The following GPR83 variants were observed in gnomAD, a reference collection of about 807,000 sequenced individuals.
GPR83 encodes G protein-coupled receptor 83.
In GPR83, 23 loss-of-function variants were observed where a neutral mutation model predicts 28.0. The ratio of observed to expected loss-of-function variants is 0.82; its 90% confidence interval spans 0.59 to 1.16. The LOEUF (loss-of-function observed/expected upper bound fraction) is 1.16. Ranked by LOEUF, GPR83 falls within the 50% of genes most tolerant of loss-of-function variation. The pLI is 0.00. For synonymous variants in GPR83, 234 were observed against 215.4 expected (o/e 1.09, Z -0.76); for missense variants, 610 against 536.6 (o/e 1.14, Z -1.35).
rs937852999 is a variant in GPR83, at chr11:94,377,620, T to C, written c.*2529A>G. ...AGCAATACACATTCAGTAGAAACCA[T>C]ACTTCGCATATCCATACAACCATTC... On this transcript the variant is annotated 3_prime_UTR_variant, in exon 4 of 4. Transcript: ENST00000243673. 9.2e-5 allele frequency: 14 copies of C among 152,352 alleles called. No individual in the cohort carries two copies. Among genetic ancestry groups the C allele is most frequent in the African/African-American group, 3.1e-4 (13 of 41,586 alleles). 9.4% of individuals were successfully genotyped at this position (152,352 alleles called of 1,614,324 possible). A position where few individuals can be genotyped will look rare whatever the true frequency, so the allele number is the denominator to read the frequency against.
chr11:94,387,971 C>G (rs1244314821), intron 3 of GPR83, among the ~76,000 whole-genome samples: 1 of 152,180 alleles, frequency 6.6e-6, no homozygotes, highest in African/African-American at 2.4e-5. Context: ...AAAAGCTTAT[C>G]CACCATGATC....
chr11:94,391,945 C>T (rs950005871), intron 3 of GPR83, among the ~76,000 whole-genome samples: 6 of 152,084 alleles, frequency 3.9e-5, no homozygotes, highest in Non-Finnish European at 8.8e-5. Flanking sequence ...ACTAGAAATA[C>T]CATTTGACCC....
intron 3 of GPR83, among the ~76,000 whole-genome samples, chr11:94,386,220 A>G (rs1008205317): frequency 6.6e-6 from 1 of 152,190 alleles, no homozygotes; most frequent in Non-Finnish European, 1.5e-5. Flanking sequence ...GAAAGGAACA[A>G]CTGGTACCAG....
intron 3 of GPR83, among the ~76,000 whole-genome samples, chr11:94,387,937 C>G (rs926344225): frequency 6.6e-6 from 1 of 152,200 alleles, no homozygotes; most frequent in African/African-American, 2.4e-5. Context: ...ACAATACTGG[C>G]AAACCGAATC....
chr11:94,390,129 T>C (rs932475101), intron 3 of GPR83, among the ~76,000 whole-genome samples: 9 of 151,376 alleles, frequency 5.9e-5, no homozygotes, highest in African/African-American at 1.9e-4. Context: ...ATGAGAACAC[T>C]TGGACACAGG....
intron 1 of GPR83, among the ~76,000 whole-genome samples, chr11:94,400,406 G>A (rs1446607642): frequency 1.3e-5 from 2 of 151,818 alleles, no homozygotes; most frequent in African/African-American, 2.4e-5. Flanking sequence ...AGTGAGGCAG[G>A]GGAGAGAGGA....
chr11:94,385,680 A>C (rs1944746877), intron 3 of GPR83, among the ~76,000 whole-genome samples: 1 of 152,246 alleles, frequency 6.6e-6, no homozygotes, highest in Admixed American at 6.5e-5. Flanking sequence ...CAAAGCCTCC[A>C]AGAAATATGG....
intron 3 of GPR83, among the ~76,000 whole-genome samples, chr11:94,392,488 A>C (rs369906679): frequency 7.9e-5 from 12 of 152,118 alleles, no homozygotes; most frequent in African/African-American, 2.9e-4. Flanking sequence ...TTTTAAAAAG[A>C]CATACCAGTG....
intron 2 of GPR83, 71 bp downstream of exon 2, chr11:94,396,328 G>C (rs1051638947): frequency 1.3e-6 from 2 of 1,486,628 alleles, no homozygotes; most frequent in African/African-American, 2.8e-5. Flanking sequence ...ACTGTCTTCA[G>C]AGCCCCTGCA....
At chr11:94,394,216 T>C (rs61001173) in intron 2 of GPR83, among the ~76,000 whole-genome samples, 2,537 of 152,204 alleles carry the variant, frequency 0.017, 78 homozygotes, top group African/African-American at 0.058. Context: ...CCCCTTAGAT[T>C]ATGATGGACT....
In GPR83 at chr11:94,384,068, T is replaced by C. The variant is rs770236561; in HGVS notation, c.648-3295A>G. Among the ~76,000 whole-genome samples, 31 of 151,920 alleles carry C rather than the reference T, an allele frequency of 2.0e-4. 1 individual carries two copies. The highest frequency in any genetic ancestry group is 6.3e-4 in the African/African-American group (26 of 41,344). On this transcript the variant is annotated intron_variant, in intron 3 of 3. Coordinates refer to ENST00000243673, the MANE Select transcript of GPR83 (RefSeq NM_016540.4). ...TACAGGCCAACATCCCTGAGGAACA[T>C]GAATGCGAAAATCCTCAATAAAATA...
Position 94,380,288 on chromosome 11 carries a change from A to G in GPR83, c.1133T>C (p.Val378Ala), listed in dbSNP as rs1944672071. The G allele has an allele frequency of 6.3e-7, 1 of 1,593,912 alleles. No homozygotes were observed. The highest frequency in any genetic ancestry group is 8.6e-7 in the Non-Finnish European group (1 of 1,169,020). The change falls in exon 4 of 4, where the codon GTT becomes GCT. Residue 378 changes from valine to alanine, a missense_variant. Physicochemically the swap from Val to Ala is moderately conservative, Grantham distance 64. Coordinates refer to ENST00000243673, the MANE Select transcript of GPR83 (RefSeq NM_016540.4). ...TGTCCAGGCCACCCTGAAGGAAGGA[A>G]CTGGGGAGGGTGGCCTGTCCTCCTG... The part of the protein sequence containing the change: ...KPQEDRPPSP[V>A]PSFRVAWTEK...
chr11:94,388,831 T>C (rs1944785014), intron 3 of GPR83, among the ~76,000 whole-genome samples: 1 of 152,154 alleles, frequency 6.6e-6, no homozygotes, highest in Admixed American at 6.5e-5. Flanking sequence ...TACTTTAAAG[T>C]TCATATGGAA....
rs1216327626 is a variant in GPR83, at chr11:94,400,366, G to A, written c.387+495C>T. Among the ~76,000 whole-genome samples, 3 of 152,160 alleles carry A rather than the reference G, an allele frequency of 2.0e-5. No homozygotes were observed. In the East Asian group the frequency reaches 5.8e-4, roughly 29 times the overall value. On this transcript the variant is annotated intron_variant, in intron 1 of 3. Coordinates refer to ENST00000243673, the MANE Select transcript of GPR83 (RefSeq NM_016540.4). ...CAGAAGCTCTGGCTGATAAGGCGATGAGACAGAAAAAAGTGGGGAGAAATC... is the reference window on the plus strand; with the variant it reads ...CAGAAGCTCTGGCTGATAAGGCGATAAGACAGAAAAAAGTGGGGAGAAATC...
chr11:94,394,158 C>G (rs1181880143), intron 2 of GPR83, among the ~76,000 whole-genome samples: 1 of 152,170 alleles, frequency 6.6e-6, no homozygotes, highest in Non-Finnish European at 1.5e-5. Flanking sequence ...AGCCCACGGT[C>G]AGCCCCCACC....
intron 3 of GPR83, among the ~76,000 whole-genome samples, chr11:94,385,312 T>C (rs1341911484): frequency 2.6e-5 from 4 of 152,120 alleles, no homozygotes; most frequent in Non-Finnish European, 4.4e-5. Flanking sequence ...CAAAGGAACA[T>C]AGCTCCTCAC....
chr11:94,379,377 A>G lies in GPR83; in HGVS notation c.*772T>C, dbSNP rs1944658498. ...CAGAGCGAGATTCCATCTCAAAAAA[A>G]AAAAAAAAAAGAAAAAAAAAAGGTC... is the stretch of plus-strand genomic sequence containing the variant. On this transcript the variant is annotated 3_prime_UTR_variant, in exon 4 of 4. Coordinates refer to ENST00000243673, the MANE Select transcript of GPR83 (RefSeq NM_016540.4). The G allele has an allele frequency of 7.3e-6, 1 of 137,140 alleles. No individual in the cohort carries two copies. Among genetic ancestry groups the G allele is most frequent in the South Asian group, 2.3e-4 (1 of 4,372 alleles). The allele number at this position is 137,140 out of a possible 1,614,324, so 8.5% of individuals were successfully genotyped here. A position where few individuals can be genotyped will look rare whatever the true frequency, so the allele number is the denominator to read the frequency against.
chr11:94,383,249 G>A (rs191351439), intron 3 of GPR83, among the ~76,000 whole-genome samples: 5 of 151,694 alleles, frequency 3.3e-5, no homozygotes, highest in Admixed American at 2.6e-4. Flanking sequence ...AGTAAATAAC[G>A]ATATGAAGGT....
At position 94,393,583 on chromosome 11, in the gene GPR83, G is replaced by A. The variant is rs561456010; in HGVS notation, c.549C>T (p.Ile183=). 3.1e-6 allele frequency: 5 copies of A among 1,613,786 alleles called. No homozygotes were observed. The East Asian group carries it at 8.9e-5, about 29-fold the overall frequency. Reference sequence around the variant, plus strand: ...CAGCGATGTAGATGACACCCTTTGTGATTGAGATCCGGGGTTTCAAGGGGT... The same window carrying A: ...CAGCGATGTAGATGACACCCTTTGTAATTGAGATCCGGGGTTTCAAGGGGT... ...IMHPLKPRIS[I]TKGVIYIAVI... Residue 183 remains isoleucine, a synonymous_variant, in exon 3 of 4, where the codon ATC becomes ATT. Transcript: ENST00000243673.
Sources: gnomAD v4.1 joint callset for allele counts (sites outside exome capture counted in the v4.1 genomes callset) on GRCh38, gnomAD v4.1.1 for gene constraint, MANE v1.5 for transcripts, NCBI Gene and HGNC (gene_info 2026-07-23, HGNC 2026-07-21) for gene names.